STPG2: variants seen among roughly 807,000 people sequenced by gnomAD.
STPG2 encodes the protein sperm-tail PG-rich repeat-containing protein 2.
A neutral mutation model predicts 54.2 loss-of-function variants in STPG2; 56 were observed. That is an observed-to-expected ratio of 1.03 (90% CI 0.83 to 1.29). STPG2 has a LOEUF of 1.29. Ranked by LOEUF, STPG2 falls within the 50% of genes most tolerant of loss-of-function variation. The pLI, the probability that STPG2 is intolerant of heterozygous loss-of-function variation, is 0.00. For synonymous variants in STPG2, 200 were observed against 181.8 expected, an observed-to-expected ratio of 1.10 and a Z score of -0.81; for missense variants, 596 against 544.9, an observed-to-expected ratio of 1.09 and a Z score of -0.93.
chr4:98,081,482 A>G (rs1738343202), intron 5 of STPG2, among the ~76,000 whole-genome samples: 1 of 152,238 alleles, frequency 6.6e-6, no homozygotes, highest in Non-Finnish European at 1.5e-5. Context: ...AATTTTAAAA[A>G]AAACTGATGG....
At chr4:97,607,847 G>C (rs1179513858) in intron 10 of STPG2, among the ~76,000 whole-genome samples, 1 of 151,988 alleles carries the variant, frequency 6.6e-6, no homozygotes, top group South Asian at 2.1e-4. Flanking sequence ...ATAGGTATCT[G>C]CCTGGGTCAT....
At chr4:97,474,880 T>C (rs1413707078) in intron 4 of STPG2, among the ~76,000 whole-genome samples, 1 of 152,052 alleles carries the variant, frequency 6.6e-6, no homozygotes. Context: ...AATATACACA[T>C]AAAGATTTAA....
chr4:97,605,522 T>C (rs1408481125), intron 10 of STPG2, among the ~76,000 whole-genome samples: 2 of 151,864 alleles, frequency 1.3e-5, no homozygotes, highest in Admixed American at 6.6e-5. Context: ...ACTTTGAATA[T>C]TGAATAAAAT....
chr4:97,729,509 T>C (rs920777099), intron 9 of STPG2, among the ~76,000 whole-genome samples: 1 of 152,186 alleles, frequency 6.6e-6, no homozygotes, highest in Non-Finnish European at 1.5e-5. Flanking sequence ...AATAGAAATA[T>C]ATTAGAAACT....
chr4:97,723,798 G>T (rs1391551656), intron 9 of STPG2, among the ~76,000 whole-genome samples: 20 of 152,194 alleles, frequency 1.3e-4, no homozygotes, highest in Admixed American at 1.3e-3. Flanking sequence ...AGGAGAGAGA[G>T]CATGAAGAGG....
chr4:97,700,245 C>T (rs1465537525), intron 10 of STPG2, among the ~76,000 whole-genome samples: 2 of 152,122 alleles, frequency 1.3e-5, no homozygotes, highest in Non-Finnish European at 2.9e-5. Flanking sequence ...GTCATATGGC[C>T]CCAGTGGCAG....
chr4:97,691,916 C>T (rs987164287), intron 10 of STPG2, among the ~76,000 whole-genome samples: 6 of 152,118 alleles, frequency 3.9e-5, no homozygotes, highest in Admixed American at 1.3e-4. Flanking sequence ...GGTAGCTTGA[C>T]TGTGTGGTTA....
chr4:97,943,855 T>C, intron 8 of STPG2, 42 bp downstream of exon 8: 4 of 1,417,438 alleles, frequency 2.8e-6, no homozygotes, highest in Non-Finnish European at 3.8e-6. Context: ...TCCTCCATGA[T>C]TTCTAGATAA....
chr4:97,825,333 G>A (rs966118153), intron 9 of STPG2, among the ~76,000 whole-genome samples: 37 of 152,124 alleles, frequency 2.4e-4, no homozygotes, highest in Non-Finnish European at 1.5e-5. Flanking sequence ...GTAATAACTA[G>A]GTAGGAAATT....
chr4:97,690,399 C>A (rs1018186435), intron 10 of STPG2, among the ~76,000 whole-genome samples: 1 of 152,002 alleles, frequency 6.6e-6, no homozygotes, highest in Non-Finnish European at 1.5e-5. Context: ...CACTTTTAGT[C>A]CTCAGGGCAA....
intron 10 of STPG2, among the ~76,000 whole-genome samples, chr4:97,634,452 G>T (rs995679234): frequency 1.3e-5 from 2 of 152,192 alleles, no homozygotes; most frequent in African/African-American, 4.8e-5. Flanking sequence ...TCCAAAGGAA[G>T]GCAGCTCCTC....
intron 8 of STPG2, among the ~76,000 whole-genome samples, chr4:97,861,123 A>G (rs1264222604): frequency 6.6e-6 from 1 of 152,186 alleles, no homozygotes; most frequent in African/African-American, 2.4e-5. Context: ...AACCAGATAC[A>G]GGACCTCAAA....
At chr4:97,670,044 C>G (rs59050877) in intron 10 of STPG2, among the ~76,000 whole-genome samples, 13,222 of 151,726 alleles carry the variant, frequency 0.087, 1,627 homozygotes, top group African/African-American at 0.27. Context: ...AAAAAGGTAT[C>G]CTTTTTTAAA....
intron 5 of STPG2, among the ~76,000 whole-genome samples, chr4:97,991,147 G>C (rs1262974810): frequency 6.6e-6 from 1 of 151,778 alleles, no homozygotes; most frequent in Non-Finnish European, 1.5e-5. Context: ...TCCCACTTAT[G>C]AGTGAGACTG....
At chr4:97,531,164 C>A (rs887645638) in intron 4 of STPG2, among the ~76,000 whole-genome samples, 2 of 152,124 alleles carry the variant, frequency 1.3e-5, no homozygotes, top group Non-Finnish European at 2.9e-5. Flanking sequence ...TATATCATCT[C>A]ATCCCAGTTA....
intron 5 of STPG2, among the ~76,000 whole-genome samples, chr4:97,984,937 C>T (rs1734785436): frequency 6.6e-6 from 1 of 152,208 alleles, no homozygotes; most frequent in Admixed American, 6.5e-5. Flanking sequence ...TTTACCTCCT[C>T]ACCATCCCTT....
intron 8 of STPG2, among the ~76,000 whole-genome samples, chr4:97,924,432 C>G (rs1472677482): frequency 1.3e-5 from 2 of 152,152 alleles, no homozygotes. Context: ...GTCATTAGTA[C>G]ATAGTTTTGT....
At chr4:98,023,251 T>C (rs1736289300) in intron 5 of STPG2, among the ~76,000 whole-genome samples, 1 of 152,234 alleles carries the variant, frequency 6.6e-6, no homozygotes, top group African/African-American at 2.4e-5. Context: ...GACCCTCAGC[T>C]GCAGGTCTGT....
chr4:97,631,153 A>T (rs1472802299), intron 10 of STPG2, among the ~76,000 whole-genome samples: 1 of 152,056 alleles, frequency 6.6e-6, no homozygotes, highest in Admixed American at 6.6e-5. Flanking sequence ...TCTATCAAGG[A>T]TAAGCAATTA....
Sources: gnomAD v4.1 joint callset for allele counts (sites outside exome capture counted in the v4.1 genomes callset) on GRCh38, gnomAD v4.1.1 for gene constraint, MANE v1.5 for transcripts, NCBI Gene and HGNC (gene_info 2026-07-23, HGNC 2026-07-21) for gene names.